MTUS2: variants seen among roughly 807,000 people sequenced by gnomAD.
MTUS2 encodes the protein microtubule associated scaffold protein 2.
Under a neutral mutation model 114.1 loss-of-function variants are expected in MTUS2, and 40 were observed. The observed-to-expected ratio is 0.35, with a 90% confidence interval of 0.27 to 0.46. The LOEUF is 0.46. Ranked by LOEUF, MTUS2 falls within the 20% of genes least tolerant of loss-of-function variation. The pLI is 1.00. For synonymous variants in MTUS2, 688 were observed against 672.0 expected, an observed-to-expected ratio of 1.02 and a Z score of -0.37; for missense variants, 1,679 against 1,705.4, an observed-to-expected ratio of 0.98 and a Z score of 0.27.
intron 5 of MTUS2, among the ~76,000 whole-genome samples, chr13:29,234,831 C>T (rs992315216): frequency 6.6e-6 from 1 of 151,996 alleles, no homozygotes; most frequent in African/African-American, 2.4e-5. Flanking sequence ...TTTTTCAAGG[C>T]CACTTCCCCA....
At chr13:29,326,986 G>GAAATA (rs887459119) in intron 7 of MTUS2, among the ~76,000 whole-genome samples, 1 of 151,876 alleles carries the variant, frequency 6.6e-6, no homozygotes, top group African/African-American at 2.4e-5. Flanking sequence ...TCTCAAAAAA[G>GAAATA]AAATAAAATA....
At chr13:29,115,724 T>C (rs1891059805) in intron 5 of MTUS2, among the ~76,000 whole-genome samples, 1 of 152,214 alleles carries the variant, frequency 6.6e-6, no homozygotes, top group African/African-American at 2.4e-5. Flanking sequence ...AGAGGTGGAC[T>C]GGTAGCCAGG....
Position 28,832,615 on chromosome 13 carries a change from A to G in MTUS2, c.-315-7163A>G, listed in dbSNP as rs79920834. On this transcript the variant is annotated intron_variant, in intron 1 of 15. Coordinates refer to ENST00000612955, the MANE Select transcript of MTUS2 (RefSeq NM_001033602.4). ...TAAAGAAAGAAGGGCAAACTAAATA[A>G]GTATGCTAAATATATAAATATATAT... Among the ~76,000 whole-genome samples the G allele has an allele frequency of 5.5e-4, 82 of 149,592 alleles. No individual in the cohort carries two copies. The East Asian group carries it at 0.013, about 24-fold the overall frequency.
At chr13:29,356,273 C>G (rs1330587108) in intron 7 of MTUS2, among the ~76,000 whole-genome samples, 1 of 152,194 alleles carries the variant, frequency 6.6e-6, no homozygotes, top group Non-Finnish European at 1.5e-5. Context: ...AACACCACTT[C>G]TCATCCCAGA....
chr13:29,350,911 C>T (rs1190705227), intron 7 of MTUS2, among the ~76,000 whole-genome samples: 1 of 148,904 alleles, frequency 6.7e-6, no homozygotes, highest in African/African-American at 2.5e-5. Flanking sequence ...TTCCCAAAGG[C>T]CCCACTTACA....
chr13:29,286,678 C>CTATCTATA (rs1898502036), intron 6 of MTUS2, among the ~76,000 whole-genome samples: 1 of 150,910 alleles, frequency 6.6e-6, no homozygotes, highest in Admixed American at 6.6e-5. Context: ...GTCTGTCTAT[C>CTATCTATA]TATCTATCTA....
At chr13:29,081,597 A>G (rs760517164) in intron 4 of MTUS2, among the ~76,000 whole-genome samples, 4 of 143,494 alleles carry the variant, frequency 2.8e-5, no homozygotes, top group Non-Finnish European at 4.6e-5. Flanking sequence ...TGCAGTTTTT[A>G]CCATTCAAAG....
At chr13:29,200,184 G>A (rs28965813) in intron 5 of MTUS2, among the ~76,000 whole-genome samples, 3,677 of 151,152 alleles carry the variant, frequency 0.024, 143 homozygotes, top group African/African-American at 0.084. Flanking sequence ...TCGTGTCTCT[G>A]TCTCCTTCAG....
intron 9 of MTUS2, among the ~76,000 whole-genome samples, chr13:29,465,886 T>G (rs1361874267): frequency 6.6e-6 from 1 of 152,258 alleles, no homozygotes; most frequent in Non-Finnish European, 1.5e-5. Flanking sequence ...ACAGTCTGCC[T>G]GCTGGCAGGA....
intron 6 of MTUS2, among the ~76,000 whole-genome samples, chr13:29,306,528 C>T (rs1899467701): frequency 6.6e-6 from 1 of 152,150 alleles, no homozygotes. Flanking sequence ...TGAATGAACT[C>T]CCATTCACAA....
intron 7 of MTUS2, among the ~76,000 whole-genome samples, chr13:29,348,205 C>G (rs548903664): frequency 1.3e-5 from 2 of 152,268 alleles, no homozygotes; most frequent in African/African-American, 4.8e-5. Flanking sequence ...TATCCTGAAA[C>G]TATCCAGGAG....
chr13:29,089,671 G>C (rs1341496026), intron 4 of MTUS2, among the ~76,000 whole-genome samples: 2 of 151,872 alleles, frequency 1.3e-5, no homozygotes, highest in Non-Finnish European at 2.9e-5. Flanking sequence ...TTTTTTGTCT[G>C]CATGGATTCA....
intron 4 of MTUS2, among the ~76,000 whole-genome samples, chr13:29,094,600 G>A (rs1259749973): frequency 6.6e-6 from 1 of 151,928 alleles, no homozygotes. Flanking sequence ...CTAAAGGTTT[G>A]TCAAATTTAT....
intron 8 of MTUS2, among the ~76,000 whole-genome samples, chr13:29,416,586 C>T (rs949026007): frequency 2.6e-5 from 4 of 152,026 alleles, no homozygotes; most frequent in African/African-American, 9.7e-5. Context: ...AAAGCTCATA[C>T]ACTATCCAAT....
intron 5 of MTUS2, among the ~76,000 whole-genome samples, chr13:29,248,216 G>A (rs926257425): frequency 5.4e-5 from 8 of 147,258 alleles, no homozygotes; most frequent in Admixed American, 5.4e-4. Flanking sequence ...AAAGGTGTAA[G>A]AATAATATAA....
At chr13:28,893,437 A>T (rs1173758563) in intron 2 of MTUS2, among the ~76,000 whole-genome samples, 1 of 152,212 alleles carries the variant, frequency 6.6e-6, no homozygotes, top group Non-Finnish European at 1.5e-5. Flanking sequence ...AATAAGAATG[A>T]TGTGATCTTT....
chr13:29,498,672 A>G, intron 14 of MTUS2, 135 bp downstream of exon 14: 1 of 1,234,524 alleles, frequency 8.1e-7, no homozygotes. Context: ...AAAATCCCAC[A>G]GCTGGCCTTT....
At chr13:29,219,725 T>A (rs1895829656) in intron 5 of MTUS2, among the ~76,000 whole-genome samples, 1 of 152,250 alleles carries the variant, frequency 6.6e-6, no homozygotes, top group Non-Finnish European at 1.5e-5. Context: ...GATAACTTTC[T>A]GCCGCTTTTC....
chr13:29,117,680 G>T (rs571776533), intron 5 of MTUS2, among the ~76,000 whole-genome samples: 2 of 152,302 alleles, frequency 1.3e-5, no homozygotes, highest in African/African-American at 4.8e-5. Context: ...AAGCTGAGGG[G>T]TGAATTATTT....
Sources: allele counts gnomAD v4.1 joint callset (sites outside exome capture counted in the v4.1 genomes callset), GRCh38; gene constraint gnomAD v4.1.1; transcripts MANE v1.5; gene names NCBI Gene and HGNC (gene_info 2026-07-23, HGNC 2026-07-21).